BAIAP2L1: variants seen among roughly 807,000 people sequenced by gnomAD.
BAIAP2L1 encodes the protein BAR/IMD domain-containing adapter protein 2-like 1.
Under a neutral mutation model 66.3 loss-of-function variants are expected in BAIAP2L1, and 35 were observed. The ratio of observed to expected loss-of-function variants is 0.53; its 90% CI spans 0.40 to 0.70. The LOEUF (loss-of-function observed/expected upper bound fraction) is 0.70, where lower values mean the gene tolerates loss of function less well. BAIAP2L1 is among the 30% of genes least tolerant of loss of function. BAIAP2L1 has a pLI of 0.00. For synonymous variants in BAIAP2L1, 269 were observed against 248.7 expected, an observed-to-expected ratio of 1.08 and a Z score of -0.77; for missense variants, 622 against 656.9, an observed-to-expected ratio of 0.95 and a Z score of 0.58.
chr7:98,359,273 CTTTTTTTTT>C (rs998408583), intron 2 of BAIAP2L1, among the ~76,000 whole-genome samples: 40 of 139,276 alleles, frequency 2.9e-4, no homozygotes, highest in African/African-American at 8.7e-4. Flanking sequence ...TACTTGCTGT[CTTTTTTTTT>C]TTTTTTTTTG....
At chr7:98,382,468 A>C (rs1802781471) in intron 1 of BAIAP2L1, among the ~76,000 whole-genome samples, 1 of 152,166 alleles carries the variant, frequency 6.6e-6, no homozygotes. Flanking sequence ...CAACACAGGG[A>C]GACTGTGTCT....
intron 3 of BAIAP2L1, among the ~76,000 whole-genome samples, chr7:98,328,485 G>T (rs1801422449): frequency 6.6e-6 from 1 of 152,042 alleles, no homozygotes; most frequent in South Asian, 2.1e-4. Flanking sequence ...AGGCTTCGGT[G>T]GGTACTGTGC....
chr7:98,295,205 C>A (rs1018344694), intron 12 of BAIAP2L1, among the ~76,000 whole-genome samples: 2 of 152,210 alleles, frequency 1.3e-5, no homozygotes, highest in African/African-American at 4.8e-5. Context: ...CAGGCCTCCT[C>A]TGGGATGGCC....
chr7:98,381,928 G>GTTTT (rs35903783), intron 1 of BAIAP2L1, among the ~76,000 whole-genome samples: 1 of 139,438 alleles, frequency 7.2e-6, no homozygotes, highest in African/African-American at 2.7e-5. Flanking sequence ...AAATCTAAGG[G>GTTTT]TTTTTTTTTT....
Position 98,401,035 on chromosome 7 carries a change from G to T in BAIAP2L1, c.-183C>A. ...TGCGAAAATGTCAAAACTTGCGGCA[G>T]CGCCGCCCTGGCCTTCTTCGAGGAG... On this transcript the variant is annotated 5_prime_UTR_variant, in exon 1 of 14. It adds an upstream start codon to the 5' untranslated region. Coordinates refer to ENST00000005260, the MANE Select transcript of BAIAP2L1 (RefSeq NM_018842.5). 1 of 461,960 alleles carries T rather than the reference G, an allele frequency of 2.2e-6. No homozygotes were observed. Among genetic ancestry groups the T allele is most frequent in the Non-Finnish European group, 3.5e-6 (1 of 281,884 alleles). 28.6% of individuals were successfully genotyped at this position (461,960 alleles called of 1,614,324 possible).
intron 1 of BAIAP2L1, among the ~76,000 whole-genome samples, chr7:98,391,568 C>T (rs1047224189): frequency 2.6e-5 from 4 of 151,830 alleles, no homozygotes; most frequent in Admixed American, 6.6e-5. Context: ...AAAAATTAGC[C>T]GGGCATGGTG....
At chr7:98,343,440 G>C (rs1194814223) in intron 3 of BAIAP2L1, among the ~76,000 whole-genome samples, 1 of 151,996 alleles carries the variant, frequency 6.6e-6, no homozygotes, top group African/African-American at 2.4e-5. Flanking sequence ...AACAGAGCCA[G>C]ACTCTGTCTC....
chr7:98,381,571 C>T (rs895129763), intron 1 of BAIAP2L1, among the ~76,000 whole-genome samples: 4 of 152,194 alleles, frequency 2.6e-5, no homozygotes, highest in Non-Finnish European at 5.9e-5. Context: ...CCTATGAGAG[C>T]CTGAGCTCTC....
chr7:98,309,335 A>G (rs964038696), intron 9 of BAIAP2L1: 1 of 151,966 alleles, frequency 6.6e-6, no homozygotes, highest in Admixed American at 6.6e-5. Context: ...TTGTATTTTT[A>G]GTAGAGACAG....
intron 7 of BAIAP2L1, among the ~76,000 whole-genome samples, chr7:98,312,641 T>G (rs1800913805): frequency 6.6e-6 from 1 of 152,174 alleles, no homozygotes; most frequent in African/African-American, 2.4e-5. Context: ...CTCCCACTCC[T>G]ACTAAAAGCA....
chr7:98,307,702 C>T lies in BAIAP2L1; in HGVS notation c.1150G>A (p.Asp384Asn), dbSNP rs371521644. ...GCCCAGACTTACGCCTTGGACACGT[C>T]GTGTTCTCCATAGAGCCAGCCATCC... ...EKDGWLYGEH[D>N]VSKARGWFPS... The change falls in exon 10 of 14, where the codon GAC (aspartate) becomes AAC (asparagine). Residue 384 changes from aspartate (D) to asparagine (N), a missense_variant. Asp to Asn is a conservative substitution (Grantham distance 23). Coordinates refer to ENST00000005260, the MANE Select transcript of BAIAP2L1 (RefSeq NM_018842.5). 10 of 1,613,984 alleles carry T rather than the reference C, an allele frequency of 6.2e-6. No individual in the cohort carries two copies. In the Admixed American group the frequency reaches 8.3e-5, roughly 13 times the overall value.
intron 7 of BAIAP2L1, among the ~76,000 whole-genome samples, chr7:98,313,703 C>T (rs760648171): frequency 2.6e-5 from 4 of 152,088 alleles, no homozygotes; most frequent in Non-Finnish European, 4.4e-5. Context: ...ACTGCAACCT[C>T]GAACTCCTGG....
intron 1 of BAIAP2L1, chr7:98,386,330 C>G (rs1802890122): frequency 6.3e-6 from 10 of 1,594,514 alleles, no homozygotes; most frequent in Admixed American, 1.7e-5. Flanking sequence ...CAGTAATCAG[C>G]CTGAATTTTC....
intron 3 of BAIAP2L1, among the ~76,000 whole-genome samples, chr7:98,322,038 G>C (rs563794902): frequency 3.1e-4 from 47 of 152,306 alleles, no homozygotes; most frequent in African/African-American, 1.1e-3. Context: ...AGAGGATGCA[G>C]TGAGCCGAGA....
At chr7:98,305,462 G>A (rs1456213820) in intron 11 of BAIAP2L1, among the ~76,000 whole-genome samples, 3 of 152,142 alleles carry the variant, frequency 2.0e-5, no homozygotes, top group Non-Finnish European at 1.5e-5. Flanking sequence ...GGAATGCAAC[G>A]TCGGACCTGG....
At chr7:98,325,843 G>A (rs1001399727) in intron 3 of BAIAP2L1, among the ~76,000 whole-genome samples, 1 of 152,250 alleles carries the variant, frequency 6.6e-6, no homozygotes, top group African/African-American at 2.4e-5. Flanking sequence ...CGTGAGCTCT[G>A]AAGATTAGAG....
rs1800703233 is a variant in BAIAP2L1 at position 98,307,514 on chromosome 7, G to A, written c.1163+175C>T. On this transcript the variant is annotated intron_variant, in intron 10 of 13. Coordinates refer to ENST00000005260, the MANE Select transcript of BAIAP2L1 (RefSeq NM_018842.5). The stretch of plus-strand genomic sequence containing the variant: ...CACCAAATGTATCTCTACATGCACA[G>A]ACATACAGAAAATAGCCTGGGATCG... 4 of 1,448,112 alleles carry A rather than the reference G, an allele frequency of 2.8e-6. No individual in the cohort carries two copies. In the Admixed American group the frequency reaches 1.0e-4, roughly 37 times the overall value. 89.7% of individuals were successfully genotyped at this position (1,448,112 alleles called of 1,614,324 possible). A position where few individuals can be genotyped will look rare whatever the true frequency, so the allele number is the denominator to read the frequency against.
At chr7:98,353,434 A>ATATAAATATATATACATACATATTTATAT (rs1462066272) in intron 3 of BAIAP2L1, among the ~76,000 whole-genome samples, 10 of 136,988 alleles carry the variant, frequency 7.3e-5, no homozygotes, top group Non-Finnish European at 1.2e-4. Context: ...TTTATATTAT[A>ATATAAATATATATACATACATATTTATAT]TATAAATATA....
In BAIAP2L1 at chr7:98,297,568, C is replaced by T. The variant is rs1800243415; in HGVS notation, c.1423-3457G>A. On this transcript the variant is annotated intron_variant, in intron 12 of 13. Transcript: ENST00000005260. Reference sequence around the variant, plus strand: ...GCAACAAAAGTGGCCCTCACTGACACCTGTCTTCAGTGTGAAAACCCATTC... The same window carrying T: ...GCAACAAAAGTGGCCCTCACTGACATCTGTCTTCAGTGTGAAAACCCATTC... 2.0e-5 allele frequency among the ~76,000 whole-genome samples: 3 copies of T among 152,220 alleles called. No homozygotes were observed. In the South Asian group the frequency reaches 6.2e-4, roughly 32 times the overall value.
Sources: gnomAD v4.1 joint callset for allele counts (sites outside exome capture counted in the v4.1 genomes callset) on GRCh38, gnomAD v4.1.1 for gene constraint, MANE v1.5 for transcripts, NCBI Gene and HGNC (gene_info 2026-07-23, HGNC 2026-07-21) for gene names.